Variants in AFF3 observed in about 807,000 individuals in gnomAD.
AFF3 encodes AF4/FMR2 family member 3.
A neutral mutation model predicts 129.7 loss-of-function variants in AFF3; 32 were observed. The observed-to-expected ratio is 0.25, with a 90% CI of 0.19 to 0.33. AFF3 has a LOEUF of 0.33. AFF3 is among the 10% of genes least tolerant of loss of function. The pLI is 1.00. For missense variants in AFF3, 1,373 were observed against 1,592.0 expected (o/e 0.86, Z 2.34); for synonymous variants, 644 against 635.4 (o/e 1.01, Z -0.20).
At chr2:99,709,117 C>A (rs149787508) in intron 11 of AFF3, among the ~76,000 whole-genome samples, 2 of 152,146 alleles carry the variant, frequency 1.3e-5, no homozygotes, top group Non-Finnish European at 2.9e-5. Flanking sequence ...GAGTCAGGTG[C>A]TCTAGCACCT....
chr2:100,044,723 T>A (rs1685696616), intron 4 of AFF3, among the ~76,000 whole-genome samples: 1 of 152,118 alleles, frequency 6.6e-6, no homozygotes, highest in African/African-American at 2.4e-5. Flanking sequence ...ACCTCTGAGA[T>A]TTACTTTGGA....
intron 7 of AFF3, among the ~76,000 whole-genome samples, chr2:99,871,950 G>A (rs925654067): frequency 5.9e-5 from 9 of 152,080 alleles, no homozygotes; most frequent in Admixed American, 2.6e-4. Context: ...GCTCATGCCT[G>A]TAATCCCAGC....
intron 8 of AFF3, among the ~76,000 whole-genome samples, chr2:99,768,321 A>C (rs1683186099): frequency 6.6e-6 from 1 of 152,192 alleles, no homozygotes; most frequent in Non-Finnish European, 1.5e-5. Context: ...GACCAGTGTT[A>C]AGCACTGGGT....
At chr2:99,665,621 C>A (rs762700942) in intron 12 of AFF3, among the ~76,000 whole-genome samples, 3 of 152,110 alleles carry the variant, frequency 2.0e-5, no homozygotes, top group African/African-American at 7.2e-5. Flanking sequence ...AGTAGGTTTG[C>A]GGTTCAGAAG....
intron 7 of AFF3, among the ~76,000 whole-genome samples, chr2:99,939,955 T>G (rs900753124): frequency 1.3e-5 from 2 of 152,228 alleles, no homozygotes; most frequent in East Asian, 3.8e-4. Context: ...TAGCTTTAGA[T>G]GATAGTTAGA....
chr2:99,735,224 C>T lies in AFF3; in HGVS notation c.1040-8096G>A, dbSNP rs138988650. On this transcript the variant is annotated intron_variant, in intron 10 of 24. Coordinates refer to ENST00000672756, the MANE Select transcript of AFF3 (RefSeq NM_001386135.1). ...TCTTGATCTGCATCACAGTTTATTC[C>T]CTTTTTGATTCCTAATATTATTTAT... 1.7e-3 allele frequency among the ~76,000 whole-genome samples: 254 copies of T among 151,964 alleles called. 1 individual carries two copies. Among genetic ancestry groups the T allele is most frequent in the African/African-American group, 5.7e-3 (235 of 41,430 alleles).
chr2:99,864,811 T>C (rs1355746067), intron 7 of AFF3, among the ~76,000 whole-genome samples: 3 of 152,150 alleles, frequency 2.0e-5, no homozygotes, highest in South Asian at 2.1e-4. Flanking sequence ...GGGCATAAAA[T>C]AGTAAGGGCT....
chr2:99,696,793 G>A (rs533318248), intron 11 of AFF3, among the ~76,000 whole-genome samples: 29 of 152,126 alleles, frequency 1.9e-4, no homozygotes, highest in Non-Finnish European at 2.9e-4. Context: ...ACAGGCACGC[G>A]CCACCATGCC....
At chr2:99,887,752 G>C (rs1045362075) in intron 7 of AFF3, among the ~76,000 whole-genome samples, 1 of 152,132 alleles carries the variant, frequency 6.6e-6, no homozygotes, top group Non-Finnish European at 1.5e-5. Context: ...ATTGCAAAAG[G>C]CATCGTGCTC....
intron 4 of AFF3, among the ~76,000 whole-genome samples, chr2:100,094,287 A>T (rs1217984517): frequency 6.6e-6 from 1 of 151,984 alleles, no homozygotes; most frequent in Non-Finnish European, 1.5e-5. Flanking sequence ...AACTCACCAT[A>T]ATGTAGAATC....
intron 15 of AFF3, among the ~76,000 whole-genome samples, chr2:99,590,656 T>C (rs1678576264): frequency 6.6e-6 from 1 of 152,212 alleles, no homozygotes; most frequent in Admixed American, 6.5e-5. Flanking sequence ...CGGCTAATAA[T>C]GGCCAGTGCT....
At chr2:99,586,874 G>GT (rs1678171023) in intron 16 of AFF3, among the ~76,000 whole-genome samples, 2 of 152,138 alleles carry the variant, frequency 1.3e-5, no homozygotes, top group African/African-American at 4.8e-5. Flanking sequence ...CAGTTATTAA[G>GT]TTTTTTTGGG....
chr2:99,756,644 T>A (rs942190258), intron 8 of AFF3, among the ~76,000 whole-genome samples: 1 of 152,232 alleles, frequency 6.6e-6, no homozygotes, highest in Admixed American at 6.5e-5. Flanking sequence ...CCCCCAAGAC[T>A]GACAAATGAT....
At chr2:99,883,155 G>A (rs1692849217) in intron 7 of AFF3, among the ~76,000 whole-genome samples, 1 of 152,102 alleles carries the variant, frequency 6.6e-6, no homozygotes, top group Non-Finnish European at 1.5e-5. Context: ...GGGAAGGGAT[G>A]GTGCCTTGCT....
intron 13 of AFF3, among the ~76,000 whole-genome samples, chr2:99,628,059 G>C (rs186025557): frequency 5.3e-5 from 8 of 152,160 alleles, no homozygotes; most frequent in Admixed American, 5.2e-4. Context: ...CTCTTTTTTG[G>C]TTTCATATGA....
chr2:100,091,082 T>C (rs1205718403), intron 4 of AFF3, among the ~76,000 whole-genome samples: 1 of 151,524 alleles, frequency 6.6e-6, no homozygotes, highest in African/African-American at 2.4e-5. Flanking sequence ...ATAGTGGTGA[T>C]GTGTAGGGGC....
At chr2:99,906,950 C>G (rs754043963) in intron 7 of AFF3, among the ~76,000 whole-genome samples, 17 of 152,126 alleles carry the variant, frequency 1.1e-4, no homozygotes, top group Non-Finnish European at 1.9e-4. Flanking sequence ...CACTGAAGGG[C>G]TTTTACTGAC....
intron 7 of AFF3, among the ~76,000 whole-genome samples, chr2:99,895,700 G>A (rs1693884252): frequency 6.6e-6 from 1 of 152,096 alleles, no homozygotes; most frequent in African/African-American, 2.4e-5. Flanking sequence ...CTCGGTGGGA[G>A]TGATTTAAAG....
intron 11 of AFF3, among the ~76,000 whole-genome samples, chr2:99,704,021 A>G (rs746283684): frequency 6.6e-6 from 1 of 152,234 alleles, no homozygotes; most frequent in Non-Finnish European, 1.5e-5. Context: ...AGTGAGGTGT[A>G]GAGACCTTAC....
Sources: gnomAD v4.1 joint callset for allele counts (sites outside exome capture counted in the v4.1 genomes callset) on GRCh38, gnomAD v4.1.1 for gene constraint, MANE v1.5 for transcripts, NCBI Gene and HGNC (gene_info 2026-07-23, HGNC 2026-07-21) for gene names.